The following SPOCK1 variants were observed in gnomAD, a reference collection of about 807,000 sequenced individuals.
SPOCK1 encodes the protein testican-1.
SPOCK1 carries 23 observed loss-of-function variants against 55.3 expected under a neutral mutation model. That is an observed-to-expected ratio of 0.42 (90% CI 0.30 to 0.59). The LOEUF (loss-of-function observed/expected upper bound fraction) is 0.59. SPOCK1 is among the 20% of genes least tolerant of loss of function. The pLI, the probability that SPOCK1 is intolerant of heterozygous loss-of-function variation, is 0.22. For missense variants in SPOCK1, 499 were observed against 552.5 expected, an observed-to-expected ratio of 0.90 and a Z score of 0.97; for synonymous variants, 226 against 221.0, an observed-to-expected ratio of 1.02 and a Z score of -0.20.
intron 2 of SPOCK1, among the ~76,000 whole-genome samples, chr5:137,345,519 C>T (rs1163483118): frequency 6.6e-6 from 1 of 152,240 alleles, no homozygotes; most frequent in Non-Finnish European, 1.5e-5. Flanking sequence ...GGTCAAAATA[C>T]AGGCTTTCCC....
intron 6 of SPOCK1, among the ~76,000 whole-genome samples, chr5:137,052,286 T>C (rs1397253125): frequency 6.6e-6 from 1 of 152,224 alleles, no homozygotes; most frequent in Non-Finnish European, 1.5e-5. Flanking sequence ...ACCACTGTTA[T>C]TTAGGTTCAG....
At position 137,064,169 on chromosome 5, in the gene SPOCK1, A is replaced by G. The variant is rs79645312; in HGVS notation, c.589+3546T>C. 2.4e-3 allele frequency among the ~76,000 whole-genome samples: 364 copies of G among 152,250 alleles called. 2 individuals are homozygous for G. The East Asian group carries it at 0.033, about 14-fold the overall frequency. On this transcript the variant is annotated intron_variant, in intron 6 of 10. Coordinates refer to ENST00000394945, the MANE Select transcript of SPOCK1 (RefSeq NM_004598.4). Reference sequence around the variant, plus strand: ...ACTCCATCCAAGGGGATGGATCCCAAAGAAAAAGAAAACACCAGGAAAAGC... The same window carrying G: ...ACTCCATCCAAGGGGATGGATCCCAGAGAAAAAGAAAACACCAGGAAAAGC...
chr5:137,006,796 C>T (rs146986595), intron 6 of SPOCK1, among the ~76,000 whole-genome samples: 3,621 of 152,258 alleles, frequency 0.024, 70 homozygotes, highest in Admixed American at 0.059. Flanking sequence ...GGGAATGCTT[C>T]CAGCTTTGCC....
chr5:137,369,668 C>T (rs1227920041), intron 2 of SPOCK1, among the ~76,000 whole-genome samples: 1 of 152,206 alleles, frequency 6.6e-6, no homozygotes, highest in African/African-American at 2.4e-5. Context: ...ATTTACTTCT[C>T]ACAGTTCTAG....
At chr5:137,470,570 C>A (rs568228234) in intron 2 of SPOCK1, among the ~76,000 whole-genome samples, 14 of 152,270 alleles carry the variant, frequency 9.2e-5, no homozygotes, top group Middle Eastern at 3.4e-3. Flanking sequence ...CCCCACCATG[C>A]CCTGAAGTGG....
chr5:137,057,947 C>T (rs1752331978), intron 6 of SPOCK1, among the ~76,000 whole-genome samples: 1 of 152,060 alleles, frequency 6.6e-6, no homozygotes, highest in African/African-American at 2.4e-5. Flanking sequence ...AACAATGAGC[C>T]CATGCCAGTG....
chr5:137,273,332 C>T (rs1757005976), intron 2 of SPOCK1: 1 of 973,942 alleles, frequency 1.0e-6, no homozygotes, highest in Admixed American at 6.2e-5. Context: ...TTGGCAACTA[C>T]TTTAATGCTA....
At chr5:137,174,175 G>C (rs1754807981) in intron 3 of SPOCK1, among the ~76,000 whole-genome samples, 1 of 152,188 alleles carries the variant, frequency 6.6e-6, no homozygotes, top group Non-Finnish European at 1.5e-5. Context: ...ACATATCTAA[G>C]ACAGCTCCCT....
At chr5:137,477,160 A>G (rs1317352569) in intron 2 of SPOCK1, among the ~76,000 whole-genome samples, 1 of 152,218 alleles carries the variant, frequency 6.6e-6, no homozygotes, top group Admixed American at 6.5e-5. Context: ...CTCAAAGTAT[A>G]TGCCATGACC....
chr5:137,190,622 C>T (rs1385216885), intron 3 of SPOCK1, among the ~76,000 whole-genome samples: 1 of 152,160 alleles, frequency 6.6e-6, no homozygotes. Flanking sequence ...ACCAAACCCA[C>T]AGTATCTCTA....
At chr5:137,212,860 C>G (rs1431357419) in intron 3 of SPOCK1, among the ~76,000 whole-genome samples, 1 of 152,226 alleles carries the variant, frequency 6.6e-6, no homozygotes, top group Non-Finnish European at 1.5e-5. Flanking sequence ...AAAGACGCTG[C>G]ACAGTCTATT....
chr5:137,174,304 C>A (rs1179157704), intron 3 of SPOCK1, among the ~76,000 whole-genome samples: 1 of 152,210 alleles, frequency 6.6e-6, no homozygotes, highest in Non-Finnish European at 1.5e-5. Flanking sequence ...CATTCCTTTC[C>A]AAGCTTAAAC....
intron 2 of SPOCK1, among the ~76,000 whole-genome samples, chr5:137,484,492 C>T (rs1754012769): frequency 6.6e-6 from 1 of 152,218 alleles, no homozygotes. Flanking sequence ...TGATTTAGTA[C>T]TTGCACATAA....
chr5:137,104,359 C>T (rs1045645091), intron 5 of SPOCK1, among the ~76,000 whole-genome samples: 12 of 152,304 alleles, frequency 7.9e-5, no homozygotes, highest in Admixed American at 3.3e-4. Flanking sequence ...GAAGCTTGTA[C>T]AGCCTACAGA....
At chr5:137,055,439 G>T (rs1471627155) in intron 6 of SPOCK1, among the ~76,000 whole-genome samples, 55 of 152,180 alleles carry the variant, frequency 3.6e-4, no homozygotes, top group Non-Finnish European at 1.5e-5. Context: ...GAGAAGCAAG[G>T]TACACGAAGT....
intron 3 of SPOCK1, among the ~76,000 whole-genome samples, chr5:137,155,304 C>T (rs967153414): frequency 9.2e-5 from 14 of 152,178 alleles, no homozygotes; most frequent in Non-Finnish European, 1.8e-4. Flanking sequence ...TGTGAGCTGC[C>T]CTTGGTGCCA....
chr5:137,179,375 A>G lies in SPOCK1; in HGVS notation c.233-38681T>C, dbSNP rs187882284. The stretch of plus-strand genomic sequence containing the variant: ...GCCATTTGCTCTCCCTTAATAGGAC[A>G]TAATGCTACCAATTAGTTAACTTAC... On this transcript the variant is annotated intron_variant, in intron 3 of 10. Transcript: ENST00000394945. 7.4e-4 allele frequency among the ~76,000 whole-genome samples: 112 copies of G among 152,290 alleles called. No individual in the cohort carries two copies. The Middle Eastern group carries it at 0.01, about 14-fold the overall frequency.
chr5:137,044,348 G>A (rs528690633), intron 6 of SPOCK1, among the ~76,000 whole-genome samples: 23 of 152,202 alleles, frequency 1.5e-4, no homozygotes, highest in African/African-American at 4.1e-4. Flanking sequence ...TCACTTTATC[G>A]TGAAAGTTTT....
At chr5:137,131,030 T>C (rs1753866467) in intron 4 of SPOCK1, among the ~76,000 whole-genome samples, 1 of 152,142 alleles carries the variant, frequency 6.6e-6, no homozygotes, top group Non-Finnish European at 1.5e-5. Context: ...ATCTAAATCA[T>C]CCTAAGTCCA....
Sources: gnomAD v4.1 joint callset for allele counts (sites outside exome capture counted in the v4.1 genomes callset) on GRCh38, gnomAD v4.1.1 for gene constraint, MANE v1.5 for transcripts, NCBI Gene and HGNC (gene_info 2026-07-23, HGNC 2026-07-21) for gene names.